METTL16: variants seen among roughly 807,000 people sequenced by gnomAD.
METTL16 encodes the protein RNA N(6)-adenosine-methyltransferase METTL16.
Under a neutral mutation model 57.9 loss-of-function variants are expected in METTL16, and 19 were observed. The observed-to-expected ratio is 0.33, with a 90% CI of 0.23 to 0.48. The LOEUF (loss-of-function observed/expected upper bound fraction) is 0.48. METTL16 is among the 20% of genes least tolerant of loss of function. The pLI is 0.99. For synonymous variants in METTL16, 246 were observed against 255.6 expected, an observed-to-expected ratio of 0.96 and a Z score of 0.36; for missense variants, 434 against 691.5, an observed-to-expected ratio of 0.63 and a Z score of 4.18.
In METTL16 at chr17:2,416,643, G is replaced by A. The variant is rs1305428287; in HGVS notation, c.*3327C>T. The stretch of plus-strand genomic sequence containing the variant: ...ACAAAAGCAGCTTTAGTTTGCCTGG[G>A]CAACAGGCTCAACTTCTGTCTCCAC... On this transcript the variant is annotated 3_prime_UTR_variant, in exon 10 of 10. Coordinates refer to ENST00000263092, the MANE Select transcript of METTL16 (RefSeq NM_024086.4). 2 of 152,290 alleles carry A rather than the reference G, an allele frequency of 1.3e-5. No homozygotes were observed. The highest frequency in any genetic ancestry group is 3.9e-4 in the East Asian group (2 of 5,184). 9.4% of individuals were successfully genotyped at this position (152,290 alleles called of 1,614,324 possible). A position where few individuals can be genotyped will look rare whatever the true frequency, so the allele number is the denominator to read the frequency against.
Position 2,441,488 on chromosome 17 carries a change from AC to A in METTL16, c.798+1del, listed in dbSNP as rs1238672616. ...ACGAGAACAGTAATGAGGAAGCCTC[AC>A]CCCTTGTATGCGAAGCTCCTCCTTC... On this transcript the variant is annotated splice_donor_variant, in intron 7 of 9. Coordinates refer to ENST00000263092, the MANE Select transcript of METTL16 (RefSeq NM_024086.4). LOFTEE classifies it high-confidence loss of function. 2 of 1,590,256 alleles carry A rather than the reference AC, an allele frequency of 1.3e-6. No homozygotes were observed. Among genetic ancestry groups the A allele is most frequent in the Non-Finnish European group, 1.7e-6 (2 of 1,166,320 alleles).
At chr17:2,421,848 G>T (rs1280065355) in intron 8 of METTL16, among the ~76,000 whole-genome samples, 1 of 152,178 alleles carries the variant, frequency 6.6e-6, no homozygotes, top group Non-Finnish European at 1.5e-5. Flanking sequence ...CAAGCCGGCG[G>T]CGAGCTAAGC....
intron 2 of METTL16, 141 bp from the exon 3 acceptor site, chr17:2,478,026 G>T: frequency 1.6e-6 from 1 of 644,784 alleles, no homozygotes; most frequent in Non-Finnish European, 2.7e-6. Context: ...ACTCATCCCA[G>T]TGGCACATAC....
intron 5 of METTL16, among the ~76,000 whole-genome samples, chr17:2,465,185 A>C (rs1413351225): frequency 2.0e-5 from 3 of 152,184 alleles, no homozygotes; most frequent in African/African-American, 7.2e-5. Context: ...ATCAGTCATC[A>C]GGGAAATCCT....
intron 8 of METTL16, among the ~76,000 whole-genome samples, chr17:2,428,592 T>TTAAAAA (rs1567881653): frequency 4.3e-5 from 2 of 46,732 alleles, no homozygotes; most frequent in African/African-American, 2.5e-4. Flanking sequence ...TATATATATA[T>TTAAAAA]ATATATATAT....
intron 2 of METTL16, among the ~76,000 whole-genome samples, chr17:2,487,102 A>G (rs1025752244): frequency 6.0e-4 from 91 of 152,166 alleles, no homozygotes; most frequent in African/African-American, 2.1e-3. Flanking sequence ...TGGAGAGAAC[A>G]TCTGTGAGAT....
At chr17:2,456,516 C>T (rs2067111655) in intron 6 of METTL16, among the ~76,000 whole-genome samples, 1 of 152,104 alleles carries the variant, frequency 6.6e-6, no homozygotes, top group Non-Finnish European at 1.5e-5. Flanking sequence ...GTTCTGTTGC[C>T]CCGGTTGGAG....
chr17:2,481,024 G>A (rs1383667554), intron 2 of METTL16, among the ~76,000 whole-genome samples: 1 of 152,038 alleles, frequency 6.6e-6, no homozygotes, highest in South Asian at 2.1e-4. Flanking sequence ...CCAACATGGT[G>A]CAACTCCATC....
At chr17:2,454,960 G>A (rs1339419752) in intron 6 of METTL16, among the ~76,000 whole-genome samples, 2 of 151,934 alleles carry the variant, frequency 1.3e-5, no homozygotes, top group Non-Finnish European at 2.9e-5. Flanking sequence ...TCGCTCTGTT[G>A]CTCAGGCTGG....
chr17:2,431,200 G>A (rs1384978713), intron 8 of METTL16, among the ~76,000 whole-genome samples: 1 of 152,094 alleles, frequency 6.6e-6, no homozygotes, highest in African/African-American at 2.4e-5. Flanking sequence ...ACCTGCCTCT[G>A]CCTCCCAAAA....
chr17:2,492,717 C>T (rs1236930582), intron 2 of METTL16, among the ~76,000 whole-genome samples: 1 of 151,760 alleles, frequency 6.6e-6, no homozygotes, highest in Non-Finnish European at 1.5e-5. Context: ...TGGTGAAACC[C>T]CGTCTCTACT....
intron 6 of METTL16, among the ~76,000 whole-genome samples, chr17:2,447,213 G>C (rs1286161663): frequency 6.8e-6 from 1 of 147,884 alleles, no homozygotes; most frequent in Non-Finnish European, 1.5e-5. Context: ...CTGAGATGTG[G>C]GGAGCACCTC....
At chr17:2,481,092 G>A (rs1017628103) in intron 2 of METTL16, among the ~76,000 whole-genome samples, 5 of 151,968 alleles carry the variant, frequency 3.3e-5, no homozygotes, top group South Asian at 2.1e-4. Flanking sequence ...TTTAGTCCCA[G>A]CTACTCAGGA....
At chr17:2,435,930 TG>T (rs2066905737) in intron 8 of METTL16, among the ~76,000 whole-genome samples, 1 of 152,114 alleles carries the variant, frequency 6.6e-6, no homozygotes, top group East Asian at 1.9e-4. Context: ...AAGCTGGTTT[TG>T]TTAACACAGA....
chr17:2,506,540 G>A (rs966008345), intron 1 of METTL16, among the ~76,000 whole-genome samples: 19 of 150,362 alleles, frequency 1.3e-4, no homozygotes, highest in Admixed American at 1.2e-3. Flanking sequence ...CGCCAGCCTC[G>A]GCCTCCCAAG....
At chr17:2,437,628 C>T (rs7225989) in intron 8 of METTL16, among the ~76,000 whole-genome samples, 41,932 of 152,016 alleles carry the variant, frequency 0.28, 9,758 homozygotes, top group African/African-American at 0.64. Context: ...CTCAGCTCAC[C>T]GCAACCTCCG....
chr17:2,424,909 C>G (rs1207433622), intron 8 of METTL16, among the ~76,000 whole-genome samples: 1 of 151,606 alleles, frequency 6.6e-6, no homozygotes, highest in African/African-American at 2.4e-5. Context: ...GATCGCGCCA[C>G]TGCACTCCAG....
intron 6 of METTL16, among the ~76,000 whole-genome samples, chr17:2,445,367 A>G (rs1028032964): frequency 3.3e-5 from 5 of 152,274 alleles, no homozygotes; most frequent in Middle Eastern, 3.4e-3. Context: ...CAAAAAAATC[A>G]CCTAATGATG....
At chr17:2,454,428 T>C (rs1455904177) in intron 6 of METTL16, among the ~76,000 whole-genome samples, 1 of 152,128 alleles carries the variant, frequency 6.6e-6, no homozygotes. Context: ...AATGTCCACC[T>C]GATCTCAAAA....
Sources: gnomAD v4.1 joint callset for allele counts (sites outside exome capture counted in the v4.1 genomes callset) on GRCh38, gnomAD v4.1.1 for gene constraint, MANE v1.5 for transcripts, NCBI Gene and HGNC (gene_info 2026-07-23, HGNC 2026-07-21) for gene names.